TCOF1: variants seen among roughly 807,000 people sequenced by gnomAD.
The protein encoded by TCOF1 is treacle protein.
A neutral mutation model predicts 149.0 loss-of-function variants in TCOF1; 33 were observed. That is an observed-to-expected ratio of 0.22 (90% CI 0.17 to 0.30). TCOF1 has a LOEUF of 0.30. TCOF1 is among the 10% of genes least tolerant of loss of function. The pLI, the probability that TCOF1 is intolerant of heterozygous loss-of-function variation, is 1.00. For missense variants in TCOF1, 1,728 were observed against 1,840.7 expected (o/e 0.94, Z 1.12); for synonymous variants, 789 against 738.8 (o/e 1.07, Z -1.10).
At chr5:150,382,017 G>A (rs1352803223) in intron 17 of TCOF1, among the ~76,000 whole-genome samples, 1 of 152,166 alleles carries the variant, frequency 6.6e-6, no homozygotes, top group Non-Finnish European at 1.5e-5. Context: ...CCAACATGGC[G>A]AAACCCCATC....
chr5:150,375,587 T>C (rs753297500), intron 11 of TCOF1, 33 bp downstream of exon 11: 47 of 1,613,072 alleles, frequency 2.9e-5, no homozygotes, highest in Admixed American at 2.0e-4. Context: ...TCTTTCTTTT[T>C]CCCCCCCACT....
At chr5:150,385,089 C>G in intron 17 of TCOF1, 2 of 984,142 alleles carry the variant, frequency 2.0e-6, no homozygotes, top group South Asian at 4.7e-5. Context: ...TGTTAAATAA[C>G]TTAATTTAGC....
intron 17 of TCOF1, among the ~76,000 whole-genome samples, chr5:150,386,415 C>T (rs1766310023): frequency 1.3e-5 from 2 of 152,206 alleles, no homozygotes; most frequent in African/African-American, 4.8e-5. Flanking sequence ...AAGGAAGGCT[C>T]TGGAAGTGGC....
intron 7 of TCOF1, among the ~76,000 whole-genome samples, chr5:150,373,691 C>T (rs1292337711): frequency 1.3e-5 from 2 of 152,218 alleles, no homozygotes; most frequent in Non-Finnish European, 2.9e-5. Context: ...GTGAGGGCCT[C>T]CCTCAGTCCC....
At position 150,358,417 on chromosome 5, in the gene TCOF1, T is replaced by A. The variant is rs569126225; in HGVS notation, c.108+563T>A. Among the ~76,000 whole-genome samples the A allele has an allele frequency of 2.6e-5, 4 of 152,320 alleles. No homozygotes were observed. In the South Asian group the frequency reaches 8.3e-4, roughly 32 times the overall value. ...TCAACTGTTAATCCGGTACTCAGGG[T>A]GCTTCCTGGTGTTCGAATGGTGAGC... On this transcript the variant is annotated intron_variant, in intron 1 of 26. Coordinates refer to ENST00000643257, the MANE Select transcript of TCOF1 (RefSeq NM_001371623.1).
chr5:150,369,888 C>T (rs1284133569), intron 6 of TCOF1, among the ~76,000 whole-genome samples: 1 of 152,114 alleles, frequency 6.6e-6, no homozygotes, highest in Non-Finnish European at 1.5e-5. Flanking sequence ...GGCCTCAAAG[C>T]ACAGTGGGCT....
intron 1 of TCOF1, among the ~76,000 whole-genome samples, chr5:150,360,632 A>G (rs1012378960): frequency 2.0e-5 from 3 of 152,186 alleles, no homozygotes; most frequent in African/African-American, 7.2e-5. Context: ...GGTTGTCTAA[A>G]AAGGTTTTAG....
At chr5:150,372,624 G>T (rs767734405) in intron 7 of TCOF1, among the ~76,000 whole-genome samples, 1 of 152,176 alleles carries the variant, frequency 6.6e-6, no homozygotes, top group Non-Finnish European at 1.5e-5. Flanking sequence ...CAGCCCCAAG[G>T]CCCTGGGTGT....
intron 3 of TCOF1, among the ~76,000 whole-genome samples, chr5:150,367,186 T>TC (rs1349695565): frequency 6.6e-6 from 1 of 151,980 alleles, no homozygotes; most frequent in Non-Finnish European, 1.5e-5. Context: ...ACGTCTGTAG[T>TC]CCCAGCTACT....
In TCOF1 at chr5:150,391,178, G is replaced by A. The variant is rs185770096; in HGVS notation, c.3184-366G>A. Among the ~76,000 whole-genome samples the A allele has an allele frequency of 1.8e-3, 279 of 152,274 alleles. 1 individual carries two copies. The highest frequency in any genetic ancestry group is 6.5e-3 in the African/African-American group (269 of 41,538). ...TGAGCCAGGCCGTGGCAAGAGCCAC[G>A]CCACATTTGAAGGCTCTCAGCAAGG... On this transcript the variant is annotated intron_variant, in intron 19 of 26. Coordinates refer to ENST00000643257, the MANE Select transcript of TCOF1 (RefSeq NM_001371623.1).
rs144623126 is a variant in TCOF1 at position 150,371,499 on chromosome 5, G to A, written c.640-507G>A. Reference sequence around the variant, plus strand: ...CAGAGGTAGAAGTAGGGCACTGACTGCCTGGGAAATGTCTGAATTGTGGAA... The same window carrying A: ...CAGAGGTAGAAGTAGGGCACTGACTACCTGGGAAATGTCTGAATTGTGGAA... On this transcript the variant is annotated intron_variant, in intron 6 of 26. Transcript: ENST00000643257. Among the ~76,000 whole-genome samples the A allele has an allele frequency of 6.2e-3, 951 of 152,306 alleles. 4 individuals carry two copies. Among genetic ancestry groups the A allele is most frequent in the African/African-American group, 0.022 (894 of 41,556 alleles).
At chr5:150,388,203 C>T in intron 18 of TCOF1, 115 bp downstream of exon 18, 1 of 1,422,928 alleles carries the variant, frequency 7.0e-7, no homozygotes, top group East Asian at 2.4e-5. Context: ...TCGGGAGGGG[C>T]TTGGGGTCAG....
Position 150,392,126 on chromosome 5 carries a change from G to A in TCOF1, c.3467G>A (p.Ser1156Asn), listed in dbSNP as rs1215486687. The A allele has an allele frequency of 6.2e-7, 1 of 1,614,272 alleles. No individual in the cohort carries two copies. Reference sequence around the variant, plus strand: ...GACAGCAGCGACAGTTCTTCAGGGAGTGAGGAAGATGGTGAAGGGCCCCAG... The same window carrying A: ...GACAGCAGCGACAGTTCTTCAGGGAATGAGGAAGATGGTGAAGGGCCCCAG... Reference protein sequence around the residue: ...SEDSSDSSSGSEEDGEGPQGA... With the variant: ...SEDSSDSSSGNEEDGEGPQGA... The change falls in exon 21 of 27, where the codon AGT becomes AAT. Residue 1156 changes from serine (S) to asparagine (N), a missense_variant. Transcript: ENST00000643257.
rs768747268 is a variant in TCOF1, at chr5:150,393,457, C to T, written c.3689C>T (p.Pro1230Leu). 4 of 1,614,166 alleles carry T rather than the reference C, an allele frequency of 2.5e-6. No individual in the cohort carries two copies. The highest frequency in any genetic ancestry group is 1.3e-5 in the African/African-American group (1 of 75,024). ...GCCACTCCCAAGCTAGACTCCAGCCCCTCAGTTTCCTCTACTCTGGCCGCC... is the reference window on the plus strand; with the variant it reads ...GCCACTCCCAAGCTAGACTCCAGCCTCTCAGTTTCCTCTACTCTGGCCGCC... ...SKATPKLDSSPSVSSTLAAKD... is the reference protein window; with the variant it reads ...SKATPKLDSSLSVSSTLAAKD... The change falls in exon 23 of 27, where the codon CCC becomes CTC. Residue 1230 changes from proline to leucine, a missense_variant. Coordinates refer to ENST00000643257, the MANE Select transcript of TCOF1 (RefSeq NM_001371623.1).
At chr5:150,374,124 CAG>C (rs1273042138) in intron 7 of TCOF1, 48 bp from the exon 8 acceptor site, 5 of 1,572,394 alleles carry the variant, frequency 3.2e-6, no homozygotes, top group African/African-American at 1.4e-5. Context: ...AAGGCATCAC[CAG>C]AGAGTTTTCA....
chr5:150,383,154 A>G (rs1765582242), intron 17 of TCOF1: 2 of 1,535,950 alleles, frequency 1.3e-6, no homozygotes, highest in South Asian at 2.4e-5. Context: ...GCAGTGAGGA[A>G]GAGCTGCCAC....
chr5:150,388,799 C>T (rs1472264632), intron 18 of TCOF1, among the ~76,000 whole-genome samples: 3 of 151,748 alleles, frequency 2.0e-5, no homozygotes, highest in Non-Finnish European at 2.9e-5. Context: ...ATTAGCCTGG[C>T]GGGCGCCTGT....
intron 17 of TCOF1, 43 bp downstream of exon 17, chr5:150,379,775 A>G: frequency 6.2e-7 from 1 of 1,602,530 alleles, no homozygotes; most frequent in Non-Finnish European, 8.5e-7. Flanking sequence ...CTCACTCCTC[A>G]GAACGGGGGT....
In TCOF1 at chr5:150,399,851, C is replaced by T. The variant is rs1019965583; in HGVS notation, c.*64C>T. On this transcript the variant is annotated 3_prime_UTR_variant, in exon 27 of 27. Coordinates refer to ENST00000643257, the MANE Select transcript of TCOF1 (RefSeq NM_001371623.1). ...CAGTGGCCATCCCCATGCCTCTGACCTCCACCGACCTCTGCCCACCATGGG... is the reference window on the plus strand; with the variant it reads ...CAGTGGCCATCCCCATGCCTCTGACTTCCACCGACCTCTGCCCACCATGGG... 1 of 152,570 alleles carries T rather than the reference C, an allele frequency of 6.6e-6. No individual in the cohort carries two copies. The highest frequency in any genetic ancestry group is 2.4e-5 in the African/African-American group (1 of 41,434). 9.5% of individuals were successfully genotyped at this position (152,570 alleles called of 1,614,324 possible).
Sources: allele counts gnomAD v4.1 joint callset (sites outside exome capture counted in the v4.1 genomes callset), GRCh38; gene constraint gnomAD v4.1.1; transcripts MANE v1.5; gene names NCBI Gene and HGNC (gene_info 2026-07-23, HGNC 2026-07-21).